CCDC3: variants seen among roughly 807,000 people sequenced by gnomAD.
CCDC3 encodes coiled-coil domain-containing protein 3.
CCDC3 carries 24 observed loss-of-function variants against 21.4 expected under a neutral mutation model. The ratio of observed to expected loss-of-function variants is 1.12; its 90% CI spans 0.81 to 1.58. CCDC3 has a LOEUF of 1.58. Among genes scored for constraint, CCDC3 ranks in the 40% most tolerant of loss-of-function variants. CCDC3 has a pLI of 0.00. For synonymous variants in CCDC3, 186 were observed against 166.0 expected, an observed-to-expected ratio of 1.12 and a Z score of -0.93; for missense variants, 425 against 360.9, an observed-to-expected ratio of 1.18 and a Z score of -1.44.
At chr10:12,941,029 C>A (rs1834821782) in intron 2 of CCDC3, among the ~76,000 whole-genome samples, 1 of 152,150 alleles carries the variant, frequency 6.6e-6, no homozygotes, top group Non-Finnish European at 1.5e-5. Context: ...AAGGCTGAGA[C>A]CTACTGGGCT....
chr10:12,940,334 T>TTTCAAGTATATTA (rs1834808619), intron 2 of CCDC3, among the ~76,000 whole-genome samples: 1 of 151,784 alleles, frequency 6.6e-6, no homozygotes, highest in Non-Finnish European at 1.5e-5. Context: ...GTGGCTGACA[T>TTTCAAGTATATTA]TTCAAGTATA....
At chr10:12,972,327 G>T (rs972544282) in intron 2 of CCDC3, among the ~76,000 whole-genome samples, 2 of 151,960 alleles carry the variant, frequency 1.3e-5, no homozygotes, top group Admixed American at 6.6e-5. Context: ...CCCTGCCATA[G>T]CCCCAGGCAC....
intron 2 of CCDC3, among the ~76,000 whole-genome samples, chr10:12,899,129 A>AG (rs140302974): frequency 0.029 from 4,358 of 151,292 alleles, 221 homozygotes; most frequent in African/African-American, 0.099. Context: ...AACTGAAGGG[A>AG]GGGGTTCCCT....
chr10:12,913,895 G>C (rs1430608315), intron 2 of CCDC3, among the ~76,000 whole-genome samples: 2 of 152,128 alleles, frequency 1.3e-5, no homozygotes, highest in African/African-American at 2.4e-5. Context: ...TTATAGATTA[G>C]TGTATGTTGA....
intron 2 of CCDC3, among the ~76,000 whole-genome samples, chr10:12,955,502 T>G (rs1835069531): frequency 1.3e-5 from 2 of 152,108 alleles, no homozygotes; most frequent in South Asian, 4.1e-4. Context: ...AAATTCCAAC[T>G]CAGACCCAGG....
chr10:12,967,401 T>G (rs1257361190), intron 2 of CCDC3, among the ~76,000 whole-genome samples: 1 of 152,066 alleles, frequency 6.6e-6, no homozygotes, highest in Admixed American at 6.6e-5. Context: ...TCAATGAACC[T>G]CAAAAAATCA....
At chr10:13,081,114 T>C (rs1837034545) in intron 3 of CCDC3, among the ~76,000 whole-genome samples, 1 of 149,582 alleles carries the variant, frequency 6.7e-6, no homozygotes, top group Non-Finnish European at 1.5e-5. Context: ...TAAGTAAACA[T>C]TTTTAAAAAA....
At chr10:13,012,991 T>G (rs1334884131) in intron 5 of CCDC3, among the ~76,000 whole-genome samples, 1 of 152,232 alleles carries the variant, frequency 6.6e-6, no homozygotes, top group African/African-American at 2.4e-5. Context: ...ATTTTTATAT[T>G]CAAAATTCAC....
intron 2 of CCDC3, among the ~76,000 whole-genome samples, chr10:12,936,998 A>C (rs544017733): frequency 1.3e-4 from 20 of 152,344 alleles, no homozygotes; most frequent in African/African-American, 4.6e-4. Context: ...TCCTGGCAGC[A>C]CAAGGGGACC....
At chr10:13,044,038 A>G (rs1429287672) in intron 5 of CCDC3, among the ~76,000 whole-genome samples, 1 of 152,016 alleles carries the variant, frequency 6.6e-6, no homozygotes, top group East Asian at 1.9e-4. Context: ...TGACTTTTTA[A>G]TAATAGCCAT....
At chr10:13,069,019 G>A (rs1588413775) in intron 4 of CCDC3, among the ~76,000 whole-genome samples, 1 of 152,232 alleles carries the variant, frequency 6.6e-6, no homozygotes, top group East Asian at 1.9e-4. Context: ...ACTTTGGGAG[G>A]CCAAGGCAGG....
intron 5 of CCDC3, among the ~76,000 whole-genome samples, chr10:13,011,148 T>C (rs563343156): frequency 6.8e-6 from 1 of 147,074 alleles, no homozygotes; most frequent in South Asian, 2.2e-4. Context: ...GCCACTGCAT[T>C]CCAGTCTGAA....
intron 4 of CCDC3, among the ~76,000 whole-genome samples, chr10:13,062,808 C>A (rs984093841): frequency 1.3e-5 from 2 of 152,124 alleles, no homozygotes; most frequent in Non-Finnish European, 2.9e-5. Flanking sequence ...AAGATTCTGA[C>A]CCTCCCTAAA....
intron 3 of CCDC3, among the ~76,000 whole-genome samples, chr10:13,095,799 T>C (rs1277088934): frequency 6.6e-6 from 1 of 152,212 alleles, no homozygotes; most frequent in African/African-American, 2.4e-5. Context: ...TTCACCCCAT[T>C]TGTAAATGTA....
At chr10:13,066,162 G>GT (rs1836817785) in intron 4 of CCDC3, among the ~76,000 whole-genome samples, 1 of 143,048 alleles carries the variant, frequency 7.0e-6, no homozygotes, top group Non-Finnish European at 1.5e-5. Flanking sequence ...CACCCTAGGT[G>GT]ATTTTTTTTT....
intron 2 of CCDC3, among the ~76,000 whole-genome samples, chr10:12,988,533 A>C (rs1835633124): frequency 6.6e-6 from 1 of 152,088 alleles, no homozygotes; most frequent in African/African-American, 2.4e-5. Context: ...TAGTAGAGAC[A>C]GAGTTTCACC....
chr10:12,940,621 T>G (rs1211816251), intron 2 of CCDC3, among the ~76,000 whole-genome samples: 1 of 152,226 alleles, frequency 6.6e-6, no homozygotes, highest in Non-Finnish European at 1.5e-5. Flanking sequence ...CCTTACAGAA[T>G]AATCGTATTT....
At chr10:12,940,231 T>TG (rs1333697343) in intron 2 of CCDC3, among the ~76,000 whole-genome samples, 1 of 37,156 alleles carries the variant, frequency 2.7e-5, no homozygotes, top group Non-Finnish European at 6.1e-5. Flanking sequence ...TTGAAATTGT[T>TG]TTTTTTTTTT....
chr10:13,020,205 A>C (rs1836126913), intron 5 of CCDC3, among the ~76,000 whole-genome samples: 1 of 152,234 alleles, frequency 6.6e-6, no homozygotes, highest in Non-Finnish European at 1.5e-5. Context: ...CTTTTCTAGT[A>C]ACATGAGGCA....
Sources: allele counts gnomAD v4.1 joint callset (sites outside exome capture counted in the v4.1 genomes callset), GRCh38; gene constraint gnomAD v4.1.1; transcripts MANE v1.5; gene names NCBI Gene and HGNC (gene_info 2026-07-23, HGNC 2026-07-21).